The following DNAH11 variants were observed in gnomAD, a reference collection of about 807,000 sequenced individuals.
The protein encoded by DNAH11 is dynein axonemal heavy chain 11, also known as axonemal beta dynein heavy chain 11.
In DNAH11, 442 loss-of-function variants were observed where a neutral mutation model predicts 526.0. The observed-to-expected ratio is 0.84, with a 90% confidence interval of 0.78 to 0.91. The LOEUF (loss-of-function observed/expected upper bound fraction) is 0.91. Among genes scored for constraint, DNAH11 ranks in the 40% least tolerant of loss-of-function variants. The pLI is 0.00. For missense variants in DNAH11, 6,989 were observed against 5,448.7 expected (o/e 1.28, Z -8.90); for synonymous variants, 2,461 against 1,935.9 (o/e 1.27, Z -7.12).
chr7:21,894,667 G>A lies in DNAH11; in HGVS notation c.12795G>A (p.Glu4265=), dbSNP rs1213922325. The change falls in exon 78 of 82, where the codon GAG becomes GAA. Residue 4265 remains glutamate (E), a synonymous_variant. Transcript: ENST00000409508. ...ACATTTTGGAGAAACTTCCAGAAGAGTTCAACATGGCAGAGATAATGCAAA... is the reference window on the plus strand; with the variant it reads ...ACATTTTGGAGAAACTTCCAGAAGAATTCAACATGGCAGAGATAATGCAAA... ...LDDILEKLPE[E]FNMAEIMQKN... 1.9e-6 allele frequency: 3 copies of A among 1,613,988 alleles called. No homozygotes were observed. Among genetic ancestry groups the A allele is most frequent in the Middle Eastern group, 1.6e-4 (1 of 6,062 alleles).
chr7:21,891,577 C>G (rs995484475), intron 76 of DNAH11, among the ~76,000 whole-genome samples: 10 of 152,202 alleles, frequency 6.6e-5, no homozygotes, highest in African/African-American at 2.4e-4. Flanking sequence ...GTTCTACATT[C>G]TAATGTTTAG....
intron 25 of DNAH11, among the ~76,000 whole-genome samples, chr7:21,627,994 A>G (rs1312564096): frequency 1.3e-5 from 2 of 151,882 alleles, no homozygotes; most frequent in East Asian, 3.9e-4. Flanking sequence ...TTCACTTTTC[A>G]TCTTTCACTT....
Position 21,626,574 on chromosome 7 carries a change from A to G in DNAH11, c.4500+6496A>G, listed in dbSNP as rs534153781. Among the ~76,000 whole-genome samples, 5 of 152,192 alleles carry G rather than the reference A, an allele frequency of 3.3e-5. No homozygotes were observed. The East Asian group carries it at 7.7e-4, about 24-fold the overall frequency. On this transcript the variant is annotated intron_variant, in intron 25 of 81. Transcript: ENST00000409508. ...ATTTACATTTCTACCAACAGTGTAC[A>G]AGTGTTCCCCTTTCTCCACATCCTT...
At chr7:21,548,985 A>C (rs1782914087) in intron 2 of DNAH11, among the ~76,000 whole-genome samples, 1 of 151,598 alleles carries the variant, frequency 6.6e-6, no homozygotes, top group Admixed American at 6.6e-5. Context: ...CAGTTCAAGC[A>C]ATTCTCCTAC....
intron 67 of DNAH11, among the ~76,000 whole-genome samples, chr7:21,853,971 G>A (rs781486840): frequency 1.3e-5 from 2 of 152,136 alleles, no homozygotes; most frequent in African/African-American, 2.4e-5. Context: ...AGCCATCCCT[G>A]GGAGGTGATA....
intron 63 of DNAH11, among the ~76,000 whole-genome samples, chr7:21,808,313 A>G (rs920865839): frequency 6.6e-6 from 1 of 152,204 alleles, no homozygotes; most frequent in Non-Finnish European, 1.5e-5. Flanking sequence ...TGATACCTGT[A>G]TACAATGTGT....
intron 62 of DNAH11, among the ~76,000 whole-genome samples, chr7:21,806,004 G>C (rs76017490): frequency 2.0e-5 from 3 of 152,124 alleles, no homozygotes; most frequent in Non-Finnish European, 4.4e-5. Flanking sequence ...CTGAGCAGCT[G>C]TTCAAAATTA....
chr7:21,677,965 T>A (rs893026937), intron 30 of DNAH11, among the ~76,000 whole-genome samples: 16 of 152,332 alleles, frequency 1.1e-4, no homozygotes, highest in Non-Finnish European at 1.9e-4. Flanking sequence ...ATATTTTAGA[T>A]ATTAATTCCT....
chr7:21,558,917 G>A lies in DNAH11; in HGVS notation c.611G>A (p.Gly204Asp), dbSNP rs1427462468. ...AAAAAGAAGATGTATATTTTTAGGG[G>A]CAAAATGTCTAGAAGAACTCTTCTA... ...VMKKKMYIFR[G>D]KMSRRTLLPI... The change falls in exon 3 of 82, where the codon GGC becomes GAC. Residue 204 changes from glycine (G) to aspartate (D), a missense_variant. By Grantham distance (94) the Gly-to-Asp change is moderately conservative. Coordinates refer to ENST00000409508, the MANE Select transcript of DNAH11 (RefSeq NM_001277115.2). 5.6e-6 allele frequency: 9 copies of A among 1,599,938 alleles called. No individual in the cohort carries two copies. Among genetic ancestry groups the A allele is most frequent in the Middle Eastern group, 1.7e-4 (1 of 6,044 alleles).
intron 56 of DNAH11, 63 bp downstream of exon 56, chr7:21,774,062 C>A: frequency 1.5e-6 from 2 of 1,364,514 alleles, no homozygotes; most frequent in Non-Finnish European, 2.0e-6. Flanking sequence ...AATATATTTC[C>A]TTTTGAAGCA....
chr7:21,713,693 A>G (rs909924101), intron 42 of DNAH11, among the ~76,000 whole-genome samples: 6 of 152,086 alleles, frequency 3.9e-5, no homozygotes, highest in Admixed American at 2.0e-4. Flanking sequence ...CCAGATGTCT[A>G]ACTGATGTAC....
intron 79 of DNAH11, among the ~76,000 whole-genome samples, chr7:21,898,459 C>G (rs558100480): frequency 3.3e-5 from 5 of 152,130 alleles, no homozygotes; most frequent in African/African-American, 1.2e-4. Flanking sequence ...CTCATTCACC[C>G]CCACTTCCTT....
chr7:21,766,277 G>C (rs1019661763), intron 55 of DNAH11, among the ~76,000 whole-genome samples: 1 of 152,114 alleles, frequency 6.6e-6, no homozygotes, highest in African/African-American at 2.4e-5. Flanking sequence ...GTAGATATGA[G>C]GTTATGATTT....
rs1192869606 is a variant in DNAH11, at chr7:21,704,439, C to T, written c.6279C>T (p.Leu2093=). Residue 2093 remains leucine, a synonymous_variant, in exon 38 of 82, where the codon CTC becomes CTT. Coordinates refer to ENST00000409508, the MANE Select transcript of DNAH11 (RefSeq NM_001277115.2). ...TAAAATGTTTTTTTTTCTAGGTACT[C>T]ATGAGAGCATTAAGGGATTTCAATA... ...GDKNRPEDQV[L]MRALRDFNMP... is the part of the protein sequence containing the mutation. The T allele has an allele frequency of 1.9e-6, 3 of 1,612,326 alleles. No homozygotes were observed. Among genetic ancestry groups the T allele is most frequent in the East Asian group, 4.5e-5 (2 of 44,830 alleles).
rs558460721 is a variant in DNAH11 at position 21,748,525 on chromosome 7, C to G, written c.8511-55C>G. 6.1e-4 allele frequency: 849 copies of G among 1,395,180 alleles called. 19 individuals are homozygous for G. The South Asian group carries it at 0.015, about 25-fold the overall frequency. The allele number at this position is 1,395,180 out of a possible 1,614,324, so 86.4% of individuals were successfully genotyped here. On this transcript the variant is annotated intron_variant, in intron 51 of 81. Transcript: ENST00000409508. The stretch of plus-strand genomic sequence containing the variant: ...AATAAATAAAAATAAACAGAACAGA[C>G]ATAGTCCCGGGGCATTTTCGATTTT...
chr7:21,845,088 A>G (rs910800898), intron 66 of DNAH11, among the ~76,000 whole-genome samples: 5 of 152,152 alleles, frequency 3.3e-5, no homozygotes, highest in African/African-American at 1.2e-4. Context: ...TGTTAGCATA[A>G]AAAAGTTGCA....
Position 21,750,300 on chromosome 7 carries a change from G to A in DNAH11, c.8876G>A (p.Gly2959Asp). The part of the protein sequence containing the change: ...SGIHNEVHAL[G>D]MVDSRENCWK... ...ATTCATAATGAAGTTCATGCTCTGGGCATGGTAGACTCCAGGGAAAACTGT... is the reference window on the plus strand; with the variant it reads ...ATTCATAATGAAGTTCATGCTCTGGACATGGTAGACTCCAGGGAAAACTGT... The change falls in exon 54 of 82, where the codon GGC becomes GAC. Residue 2959 changes from glycine to aspartate, a missense_variant. Transcript: ENST00000409508. The A allele has an allele frequency of 6.2e-7, 1 of 1,605,586 alleles. No homozygotes were observed. The highest frequency in any genetic ancestry group is 8.5e-7 in the Non-Finnish European group (1 of 1,175,752).
At position 21,808,038 on chromosome 7, in the gene DNAH11, C is replaced by A. The variant is rs781375472; in HGVS notation, c.10321C>A (p.Leu3441Ile). The change falls in exon 63 of 82, where the codon CTT becomes ATT. Residue 3441 changes from leucine (L) to isoleucine (I), a missense_variant. Physicochemically the swap from Leu to Ile is conservative, Grantham distance 5. Coordinates refer to ENST00000409508, the MANE Select transcript of DNAH11 (RefSeq NM_001277115.2). ...GGTGCACTGCAAGTGGGTTCCCTTT[C>A]TTCAACAGAAGGTAAGTTCAGTTCC... is the stretch of plus-strand genomic sequence containing the variant. ...ELVHCKWVPF[L>I]QQKVSIPLTE... is the part of the protein sequence containing the mutation. 3 of 1,537,358 alleles carry A rather than the reference C, an allele frequency of 2.0e-6. No homozygotes were observed. The highest frequency in any genetic ancestry group is 1.8e-6 in the Non-Finnish European group (2 of 1,129,764).
chr7:21,651,314 A>C (rs565971084), intron 28 of DNAH11, among the ~76,000 whole-genome samples: 1 of 152,198 alleles, frequency 6.6e-6, no homozygotes, highest in East Asian at 1.9e-4. Context: ...TGGTTTGAGA[A>C]TATAATTGTA....
Sources: gnomAD v4.1 joint callset for allele counts (sites outside exome capture counted in the v4.1 genomes callset) on GRCh38, gnomAD v4.1.1 for gene constraint, MANE v1.5 for transcripts, NCBI Gene and HGNC (gene_info 2026-07-23, HGNC 2026-07-21) for gene names.